Variants in TMEM132B observed in about 807,000 individuals in gnomAD.
The protein encoded by TMEM132B is transmembrane protein 132B.
In TMEM132B, 18 loss-of-function variants were observed where a neutral mutation model predicts 90.8. That is an observed-to-expected ratio of 0.20 (90% CI 0.14 to 0.29). The LOEUF (loss-of-function observed/expected upper bound fraction) is 0.29. TMEM132B is among the 10% of genes least tolerant of loss of function. TMEM132B has a pLI of 1.00. For synonymous variants in TMEM132B, 504 were observed against 523.3 expected, an observed-to-expected ratio of 0.96 and a Z score of 0.50; for missense variants, 1,096 against 1,326.8, an observed-to-expected ratio of 0.83 and a Z score of 2.70.
intron 1 of TMEM132B, among the ~76,000 whole-genome samples, chr12:125,287,325 T>C (rs1041140859): frequency 2.0e-5 from 3 of 152,156 alleles, no homozygotes; most frequent in Non-Finnish European, 4.4e-5. Context: ...ATCTGCAAAG[T>C]CCCTTTTACC....
At chr12:125,609,963 T>G (rs1885786936) in intron 5 of TMEM132B, among the ~76,000 whole-genome samples, 1 of 132,262 alleles carries the variant, frequency 7.6e-6, no homozygotes, top group South Asian at 2.4e-4. Flanking sequence ...CTTTCTTAGT[T>G]CATTCCTAAG....
intron 5 of TMEM132B, among the ~76,000 whole-genome samples, chr12:125,641,654 A>T (rs1215075033): frequency 6.6e-6 from 1 of 152,166 alleles, no homozygotes. Context: ...TTCCTAAAAG[A>T]TGGGGCAGGT....
chr12:125,264,279 C>T (rs1186514384), intron 1 of TMEM132B, among the ~76,000 whole-genome samples: 1 of 152,126 alleles, frequency 6.6e-6, no homozygotes, highest in Non-Finnish European at 1.5e-5. Context: ...CATGGTAATC[C>T]AGGATATCCA....
At chr12:125,478,436 T>G (rs1881947810) in intron 3 of TMEM132B, among the ~76,000 whole-genome samples, 1 of 152,156 alleles carries the variant, frequency 6.6e-6, no homozygotes, top group Admixed American at 6.6e-5. Context: ...CTGATGGAGC[T>G]GAAAACCGTG....
chr12:125,409,789 T>G (rs1201589032), intron 2 of TMEM132B, among the ~76,000 whole-genome samples: 1 of 19,704 alleles, frequency 5.1e-5, no homozygotes, highest in Non-Finnish European at 9.4e-5. Flanking sequence ...AGGAGTGGAG[T>G]GGAGTGGAGG....
chr12:125,196,980 A>G (rs1872939094), intron 1 of TMEM132B, among the ~76,000 whole-genome samples: 1 of 152,144 alleles, frequency 6.6e-6, no homozygotes, highest in African/African-American at 2.4e-5. Flanking sequence ...TTCCTGCTGA[A>G]ATCACTAAGA....
chr12:125,243,657 C>T (rs893368600), intron 1 of TMEM132B, among the ~76,000 whole-genome samples: 5 of 152,184 alleles, frequency 3.3e-5, no homozygotes, highest in African/African-American at 7.2e-5. Flanking sequence ...GAGTCTATCA[C>T]CCAGGTAGGG....
intron 1 of TMEM132B, chr12:125,301,766 C>T (rs1875829886): frequency 6.6e-6 from 1 of 152,322 alleles, no homozygotes; most frequent in East Asian, 1.9e-4. Flanking sequence ...GTAGTCCCAG[C>T]TATTCGGGAG....
intron 2 of TMEM132B, among the ~76,000 whole-genome samples, chr12:125,368,627 C>T (rs1878201630): frequency 6.6e-6 from 1 of 152,094 alleles, no homozygotes; most frequent in African/African-American, 2.4e-5. Flanking sequence ...AGAGAACTTC[C>T]CTCTTGCTCT....
At chr12:125,526,150 C>T (rs1883452806) in intron 4 of TMEM132B, among the ~76,000 whole-genome samples, 1 of 152,160 alleles carries the variant, frequency 6.6e-6, no homozygotes, top group Non-Finnish European at 1.5e-5. Flanking sequence ...TTACCAGCCT[C>T]CCTCCTCTGG....
rs866378627 is a variant in TMEM132B, at chr12:125,209,030, G to A, written c.67+22164G>A. On this transcript the variant is annotated intron_variant, in intron 1 of 8. Coordinates refer to ENST00000682704, the MANE Select transcript of TMEM132B (RefSeq NM_001366854.1). This position sits in a 1 kb window ranked among gnomAD's most constrained non-coding sequence, Gnocchi z 4.4. Reference sequence around the variant, plus strand: ...GGCCACTCGAATGTCAACTGAGCCCGGGGTTATTGATTTACAGGAGGCAGA... The same window carrying A: ...GGCCACTCGAATGTCAACTGAGCCCAGGGTTATTGATTTACAGGAGGCAGA... Among the ~76,000 whole-genome samples, 20 of 152,164 alleles carry A rather than the reference G, an allele frequency of 1.3e-4. No homozygotes were observed. The South Asian group carries it at 1.4e-3, about 11-fold the overall frequency.
At chr12:125,304,915 G>A (rs749831411) in intron 1 of TMEM132B, among the ~76,000 whole-genome samples, 10 of 152,144 alleles carry the variant, frequency 6.6e-5, no homozygotes, top group Non-Finnish European at 1.5e-5. Flanking sequence ...TCTTAGCATA[G>A]CACTGGTGAG....
At chr12:125,543,678 T>C (rs1440432968) in intron 4 of TMEM132B, among the ~76,000 whole-genome samples, 1 of 152,166 alleles carries the variant, frequency 6.6e-6, no homozygotes, top group East Asian at 1.9e-4. Flanking sequence ...AGAATGGCGA[T>C]TATTAAGAAG....
chr12:125,566,810 C>T (rs1225470309), intron 4 of TMEM132B, among the ~76,000 whole-genome samples: 10 of 149,614 alleles, frequency 6.7e-5, no homozygotes, highest in South Asian at 2.1e-4. Flanking sequence ...TCCTCCTTCT[C>T]CTCCTTCTTC....
At chr12:125,519,185 G>A (rs1051679616) in intron 3 of TMEM132B, among the ~76,000 whole-genome samples, 2 of 152,170 alleles carry the variant, frequency 1.3e-5, no homozygotes, top group Non-Finnish European at 2.9e-5. Flanking sequence ...AATGCTGACC[G>A]AGTTACTCAT....
chr12:125,557,309 G>T (rs1884414924), intron 4 of TMEM132B, among the ~76,000 whole-genome samples: 1 of 152,044 alleles, frequency 6.6e-6, no homozygotes, highest in South Asian at 2.1e-4. Context: ...GAAGACTGGG[G>T]TCTCTGTGAC....
At chr12:125,563,521 G>A (rs150878345) in intron 4 of TMEM132B, among the ~76,000 whole-genome samples, 2,148 of 151,876 alleles carry the variant, frequency 0.014, 46 homozygotes, top group African/African-American at 0.049. Context: ...AGCTGAGATC[G>A]CACCACTGCA....
At chr12:125,193,169 G>C (rs1325200294) in intron 1 of TMEM132B, among the ~76,000 whole-genome samples, 1 of 152,188 alleles carries the variant, frequency 6.6e-6, no homozygotes, top group Non-Finnish European at 1.5e-5. Flanking sequence ...CTGCCAAGTG[G>C]TTTCTCACTT....
intron 1 of TMEM132B, among the ~76,000 whole-genome samples, chr12:125,258,814 G>T (rs1874497180): frequency 6.6e-6 from 1 of 152,304 alleles, no homozygotes; most frequent in Non-Finnish European, 1.5e-5. Flanking sequence ...GGAGTGACTG[G>T]GATGTGGGGG....
Sources: allele counts gnomAD v4.1 joint callset (sites outside exome capture counted in the v4.1 genomes callset), GRCh38; gene constraint gnomAD v4.1.1; non-coding constraint Gnocchi (gnomAD v3.1); transcripts MANE v1.5; gene names NCBI Gene and HGNC (gene_info 2026-07-23, HGNC 2026-07-21).